KIF26B: variants seen among roughly 807,000 people sequenced by gnomAD.
KIF26B encodes the protein kinesin family member 26B, also known as kinesin-like protein KIF26B.
KIF26B carries 63 observed loss-of-function variants against 151.2 expected under a neutral mutation model. That is an observed-to-expected ratio of 0.42 (90% CI 0.34 to 0.51). KIF26B has a LOEUF of 0.51. Among genes scored for constraint, KIF26B ranks in the 20% least tolerant of loss-of-function variants. KIF26B has a pLI of 0.07. For synonymous variants in KIF26B, 1,357 were observed against 1,262.1 expected (o/e 1.08, Z -1.59); for missense variants, 2,813 against 2,913.6 (o/e 0.97, Z 0.79).
intron 5 of KIF26B, among the ~76,000 whole-genome samples, chr1:245,588,675 G>A (rs561395821): frequency 1.1e-4 from 17 of 152,330 alleles, no homozygotes; most frequent in Non-Finnish European, 1.9e-4. Context: ...GAACTCTTAC[G>A]TGGAAATGCC....
At chr1:245,570,172 G>A (rs1487093404) in intron 5 of KIF26B, among the ~76,000 whole-genome samples, 2 of 151,826 alleles carry the variant, frequency 1.3e-5, no homozygotes, top group African/African-American at 2.4e-5. Flanking sequence ...TCCTGACCTC[G>A]TGATCCACCC....
intron 3 of KIF26B, among the ~76,000 whole-genome samples, chr1:245,377,810 G>A (rs560466029): frequency 6.6e-6 from 1 of 151,686 alleles, no homozygotes; most frequent in East Asian, 1.9e-4. Context: ...TTGCTTGGAG[G>A]AAAAAAAAGG....
Position 245,483,586 on chromosome 1 carries a change from G to A in KIF26B, c.1167-57181G>A, listed in dbSNP as rs995505736. On this transcript the variant is annotated intron_variant, in intron 4 of 14. Coordinates refer to ENST00000407071, the MANE Select transcript of KIF26B (RefSeq NM_018012.4). ...AAATTTTGCTAATTAATTTTGGGGGGACACATTGAGCAAGTCCGCCCAGGT... is the reference window on the plus strand; with the variant it reads ...AAATTTTGCTAATTAATTTTGGGGGAACACATTGAGCAAGTCCGCCCAGGT... Among the ~76,000 whole-genome samples, 13 of 151,904 alleles carry A rather than the reference G, an allele frequency of 8.6e-5. 1 individual carries two copies. Among genetic ancestry groups the A allele is most frequent in the African/African-American group, 2.7e-4 (11 of 41,414 alleles).
intron 4 of KIF26B, among the ~76,000 whole-genome samples, chr1:245,483,238 A>G (rs1660206403): frequency 6.6e-6 from 1 of 151,936 alleles, no homozygotes; most frequent in African/African-American, 2.4e-5. Flanking sequence ...CACAGTTAAC[A>G]TGCATAGAGC....
intron 5 of KIF26B, among the ~76,000 whole-genome samples, chr1:245,561,885 A>G (rs1238401484): frequency 2.0e-5 from 3 of 152,184 alleles, no homozygotes; most frequent in Admixed American, 6.5e-5. Context: ...CTACTGACGT[A>G]AATGTCAGAG....
At chr1:245,527,267 A>C (rs1360405763) in intron 4 of KIF26B, among the ~76,000 whole-genome samples, 1 of 152,224 alleles carries the variant, frequency 6.6e-6, no homozygotes, top group Non-Finnish European at 1.5e-5. Context: ...ACTAGAAAAG[A>C]TATACGTACA....
At position 245,560,275 on chromosome 1, in the gene KIF26B, G is replaced by A. The variant is rs1174852372; in HGVS notation, c.1350+19325G>A. 2.0e-5 allele frequency among the ~76,000 whole-genome samples: 3 copies of A among 152,108 alleles called. No individual in the cohort carries two copies. Among genetic ancestry groups the A allele is most frequent in the African/African-American group, 7.2e-5 (3 of 41,426 alleles). On this transcript the variant is annotated intron_variant, in intron 5 of 14. Coordinates refer to ENST00000407071, the MANE Select transcript of KIF26B (RefSeq NM_018012.4). The surrounding 1 kb of genome is among the most constrained non-coding windows in gnomAD (Gnocchi z 4.3). ...CTGGCCAGGGACTTTTTCCCTTTTG[G>A]AAGGAGACCCAGATACCCTCCAGAC...
rs142721550 is a variant in KIF26B at position 245,582,700 on chromosome 1, T to C, written c.1351-19877T>C. 2.0e-3 allele frequency among the ~76,000 whole-genome samples: 308 copies of C among 152,176 alleles called. 1 individual carries two copies. The highest frequency in any genetic ancestry group is 5.8e-3 in the Admixed American group (88 of 15,288). ...AAAAGAAAATGCACAGGACCTAGAG[T>C]CAGGGCTGGGTTTCAATCCCATTTC... On this transcript the variant is annotated intron_variant, in intron 5 of 14. Transcript: ENST00000407071.
At chr1:245,545,151 G>A (rs1452318915) in intron 5 of KIF26B, among the ~76,000 whole-genome samples, 3 of 150,918 alleles carry the variant, frequency 2.0e-5, no homozygotes, top group African/African-American at 4.9e-5. Context: ...CCCCAGGCTG[G>A]AGTACAGTGG....
Position 245,488,361 on chromosome 1 carries a change from C to A in KIF26B, c.1167-52406C>A, listed in dbSNP as rs1196577884. 6.6e-6 allele frequency among the ~76,000 whole-genome samples: 1 copy of A among 152,062 alleles called. No individual in the cohort carries two copies. The highest frequency in any genetic ancestry group is 1.5e-5 in the Non-Finnish European group (1 of 68,000). On this transcript the variant is annotated intron_variant, in intron 4 of 14. Transcript: ENST00000407071. This position sits in a 1 kb window ranked among gnomAD's most constrained non-coding sequence, Gnocchi z 4.6. ...ACTTTGTACCCACCTGACATTCGGCCAGAATTTTTCCAACAGAACCTAACA... is the reference window on the plus strand; with the variant it reads ...ACTTTGTACCCACCTGACATTCGGCAAGAATTTTTCCAACAGAACCTAACA...
At chr1:245,658,911 A>G (rs2044103040) in intron 10 of KIF26B, among the ~76,000 whole-genome samples, 1 of 151,998 alleles carries the variant, frequency 6.6e-6, no homozygotes, top group African/African-American at 2.4e-5. Context: ...GTTTACATAT[A>G]CCTCTCCTAT....
rs563745928 is a variant in KIF26B at position 245,609,882 on chromosome 1, C to T, written c.1914+354C>T. Among the ~76,000 whole-genome samples, 112 of 152,216 alleles carry T rather than the reference C, an allele frequency of 7.4e-4. 1 individual carries two copies. In the South Asian group the frequency reaches 0.016, roughly 22 times the overall value. On this transcript the variant is annotated intron_variant, in intron 8 of 14. Transcript: ENST00000407071. Reference sequence around the variant, plus strand: ...TCTGCACAAATAGCTAGAGCCATTACGGGGCTGTTGATGACTCTATAAACT... The same window carrying T: ...TCTGCACAAATAGCTAGAGCCATTATGGGGCTGTTGATGACTCTATAAACT...
intron 5 of KIF26B, among the ~76,000 whole-genome samples, chr1:245,577,416 C>G (rs73137631): frequency 0.053 from 8,055 of 152,278 alleles, 485 homozygotes; most frequent in African/African-American, 0.14. Flanking sequence ...GAATTAAGCT[C>G]TCAACCCACA....
chr1:245,207,293 C>T (rs114197422), intron 2 of KIF26B, among the ~76,000 whole-genome samples: 1,675 of 152,260 alleles, frequency 0.011, 24 homozygotes, highest in African/African-American at 0.038. Context: ...GAGAGCACAC[C>T]GAACACAGGA....
chr1:245,303,393 TTTCACCG>T (rs1671475573), intron 2 of KIF26B, among the ~76,000 whole-genome samples: 1 of 150,530 alleles, frequency 6.6e-6, no homozygotes, highest in Non-Finnish European at 1.5e-5. Context: ...AGAGACGGGG[TTTCACCG>T]TGTTAGCCAG....
chr1:245,487,208 C>G (rs757993480), intron 4 of KIF26B, among the ~76,000 whole-genome samples: 46 of 152,142 alleles, frequency 3.0e-4, no homozygotes, highest in Non-Finnish European at 6.3e-4. Context: ...CTGACATGGT[C>G]TTTTGCATCT....
intron 5 of KIF26B, among the ~76,000 whole-genome samples, chr1:245,570,221 C>T (rs2043054372): frequency 6.6e-6 from 1 of 152,066 alleles, no homozygotes; most frequent in South Asian, 2.1e-4. Flanking sequence ...CAGGCGTGAG[C>T]CACCATGCCT....
At chr1:245,482,170 C>A (rs571060156) in intron 4 of KIF26B, among the ~76,000 whole-genome samples, 1 of 151,980 alleles carries the variant, frequency 6.6e-6, no homozygotes, top group East Asian at 1.9e-4. Context: ...CGGCTCCCTG[C>A]AACCTCTGCC....
chr1:245,362,567 A>G (rs1404383607), intron 2 of KIF26B, among the ~76,000 whole-genome samples: 1 of 152,062 alleles, frequency 6.6e-6, no homozygotes, highest in Non-Finnish European at 1.5e-5. Context: ...CTGAGGAAGA[A>G]GTAGCATCCC....
Sources: gnomAD v4.1 joint callset for allele counts (sites outside exome capture counted in the v4.1 genomes callset) on GRCh38, gnomAD v4.1.1 for gene constraint, Gnocchi (gnomAD v3.1) non-coding constraint, MANE v1.5 for transcripts, NCBI Gene and HGNC (gene_info 2026-07-23, HGNC 2026-07-21) for gene names.